ARNT2: variants seen among roughly 807,000 people sequenced by gnomAD.
The protein encoded by ARNT2 is ARNT protein 2.
A neutral mutation model predicts 91.7 loss-of-function variants in ARNT2; 36 were observed. The observed-to-expected ratio is 0.39, with a 90% CI of 0.30 to 0.52. ARNT2 has a LOEUF of 0.52. Among genes scored for constraint, ARNT2 ranks in the 20% least tolerant of loss-of-function variants. The pLI is 0.72. For synonymous variants in ARNT2, 365 were observed against 347.1 expected (o/e 1.05, Z -0.57); for missense variants, 775 against 939.3 (o/e 0.83, Z 2.29).
At chr15:80,580,890 C>T (rs1011901552) in intron 16 of ARNT2, among the ~76,000 whole-genome samples, 5 of 152,116 alleles carry the variant, frequency 3.3e-5, no homozygotes, top group Non-Finnish European at 7.4e-5. Context: ...ACCACCAACC[C>T]TTGTGACATC....
At chr15:80,420,617 A>G (rs1895848432) in intron 1 of ARNT2, among the ~76,000 whole-genome samples, 1 of 151,810 alleles carries the variant, frequency 6.6e-6, no homozygotes, top group Non-Finnish European at 1.5e-5. Flanking sequence ...TATTATGAAC[A>G]TATGAATATA....
At chr15:80,492,503 G>A (rs1423179714) in intron 5 of ARNT2, among the ~76,000 whole-genome samples, 1 of 152,168 alleles carries the variant, frequency 6.6e-6, no homozygotes, top group East Asian at 1.9e-4. Context: ...AGAAGGGAAG[G>A]TCAGTCTGGC....
chr15:80,526,165 T>C (rs74027823), intron 8 of ARNT2, among the ~76,000 whole-genome samples: 2,652 of 152,320 alleles, frequency 0.017, 79 homozygotes, highest in African/African-American at 0.061. Context: ...GTGGCCTTCT[T>C]AATTAGCCTC....
chr15:80,530,021 T>A (rs1330954437), intron 8 of ARNT2, among the ~76,000 whole-genome samples: 1 of 152,230 alleles, frequency 6.6e-6, no homozygotes, highest in Non-Finnish European at 1.5e-5. Flanking sequence ...TAAGAAAGTC[T>A]CCTTTTCTAG....
At chr15:80,572,560 G>C (rs1262395865) in intron 12 of ARNT2, among the ~76,000 whole-genome samples, 1 of 151,878 alleles carries the variant, frequency 6.6e-6, no homozygotes, top group Non-Finnish European at 1.5e-5. Context: ...CAGATGAGGG[G>C]AGGTGGCCTG....
chr15:80,571,483 C>T (rs1481725718), intron 12 of ARNT2, among the ~76,000 whole-genome samples: 1 of 152,220 alleles, frequency 6.6e-6, no homozygotes, highest in Non-Finnish European at 1.5e-5. Flanking sequence ...TTGGTGCACC[C>T]TCTGCCTTGC....
chr15:80,565,017 A>G (rs1355244895), intron 12 of ARNT2, among the ~76,000 whole-genome samples: 1 of 150,878 alleles, frequency 6.6e-6, no homozygotes, highest in Non-Finnish European at 1.5e-5. Flanking sequence ...CGACTTCCTG[A>G]GCTCAGGTGA....
At chr15:80,443,867 G>A (rs1896235591) in intron 1 of ARNT2, among the ~76,000 whole-genome samples, 1 of 152,230 alleles carries the variant, frequency 6.6e-6, no homozygotes, top group African/African-American at 2.4e-5. Flanking sequence ...AAGGAAGCAT[G>A]GGAGGCGAGG....
In ARNT2 at chr15:80,476,886, G is replaced by A. The variant is rs191773250; in HGVS notation, c.622+1663G>A. Among the ~76,000 whole-genome samples the A allele has an allele frequency of 6.8e-4, 104 of 152,246 alleles. No homozygotes were observed. In the South Asian group the frequency reaches 0.011, roughly 15 times the overall value. Reference sequence around the variant, plus strand: ...CCTCACCCAAATGTCATGTTCAATTGTAATTCCCAATGTTGGGGGCAGGCC... The same window carrying A: ...CCTCACCCAAATGTCATGTTCAATTATAATTCCCAATGTTGGGGGCAGGCC... On this transcript the variant is annotated intron_variant, in intron 5 of 18. Transcript: ENST00000303329.
At chr15:80,549,544 A>G (rs1898047098) in intron 8 of ARNT2, among the ~76,000 whole-genome samples, 1 of 152,224 alleles carries the variant, frequency 6.6e-6, no homozygotes, top group African/African-American at 2.4e-5. Context: ...AAGAGACAGA[A>G]GCAGACAATT....
At chr15:80,451,312 C>T (rs1256448666) in intron 2 of ARNT2, among the ~76,000 whole-genome samples, 1 of 152,250 alleles carries the variant, frequency 6.6e-6, no homozygotes, top group Non-Finnish European at 1.5e-5. Context: ...CCAGATTTGG[C>T]AGCACTGCTG....
At chr15:80,576,225 TAC>T (rs2141477428) in intron 14 of ARNT2, among the ~76,000 whole-genome samples, 1 of 152,248 alleles carries the variant, frequency 6.6e-6, no homozygotes, top group South Asian at 2.1e-4. Flanking sequence ...TTGGAATCCC[TAC>T]ACCGCAGGGT....
intron 1 of ARNT2, among the ~76,000 whole-genome samples, chr15:80,445,892 C>T (rs11631556): frequency 6.6e-6 from 1 of 152,002 alleles, no homozygotes; most frequent in African/African-American, 2.4e-5. Context: ...TCTGCCCCCT[C>T]TGCCCCTCTG....
chr15:80,559,343 A>AGCCCCG (rs1898275786), intron 11 of ARNT2, among the ~76,000 whole-genome samples: 1 of 150,358 alleles, frequency 6.7e-6, no homozygotes. Context: ...CCCCAGCCCC[A>AGCCCCG]GCCCCGGCCA....
Position 80,580,490 on chromosome 15 carries a change from C to G in ARNT2, c.1693C>G (p.Arg565Gly). The G allele has an allele frequency of 1.2e-6, 2 of 1,614,176 alleles. No homozygotes were observed. Among genetic ancestry groups the G allele is most frequent in the Non-Finnish European group, 8.5e-7 (1 of 1,180,040 alleles). The change falls in exon 16 of 19, where the codon CGG becomes GGG. Residue 565 changes from arginine (R) to glycine (G), a missense_variant. By Grantham distance (125) the Arg-to-Gly change is moderately radical (BLOSUM62 -2). This residue lies in a region of ARNT2 where 325 missense variants were observed against 359.9 expected (regional missense o/e 0.90). Coordinates refer to ENST00000303329, the MANE Select transcript of ARNT2 (RefSeq NM_014862.4). ...STGQNMSQIS[R>G]QLNQSQVAWT... ...GGGCCAGAACATGTCCCAAATCTCCCGGCAGCTAAACCAGAGTCAGGTGGC... is the reference window on the plus strand; with the variant it reads ...GGGCCAGAACATGTCCCAAATCTCCGGGCAGCTAAACCAGAGTCAGGTGGC...
At chr15:80,562,953 T>A (rs1335281366) in intron 11 of ARNT2, 135 bp from the exon 12 acceptor site, 1 of 945,060 alleles carries the variant, frequency 1.1e-6, no homozygotes, top group Non-Finnish European at 1.7e-6. Flanking sequence ...CCTCTCTTAC[T>A]GTCTTTTAGC....
chr15:80,538,435 A>C lies in ARNT2; in HGVS notation c.878-12764A>C, dbSNP rs1897856521. ...CCCAGTGCAATAAATCTAAAAATTCATAACAAAAAGTTACATTTTTAAAAA... is the reference window on the plus strand; with the variant it reads ...CCCAGTGCAATAAATCTAAAAATTCCTAACAAAAAGTTACATTTTTAAAAA... On this transcript the variant is annotated intron_variant, in intron 8 of 18. Transcript: ENST00000303329. Among the ~76,000 whole-genome samples, 3 of 152,186 alleles carry C rather than the reference A, an allele frequency of 2.0e-5. No homozygotes were observed. The South Asian group carries it at 6.2e-4, about 31-fold the overall frequency.
intron 17 of ARNT2, among the ~76,000 whole-genome samples, chr15:80,589,581 C>A (rs1404375482): frequency 2.6e-5 from 4 of 152,228 alleles, no homozygotes; most frequent in Non-Finnish European, 4.4e-5. Context: ...CTCCACCCTT[C>A]TGCCAAGCAA....
chr15:80,590,443 G>A (rs1377860458), intron 17 of ARNT2, among the ~76,000 whole-genome samples: 4 of 152,016 alleles, frequency 2.6e-5, no homozygotes, highest in Admixed American at 1.3e-4. Flanking sequence ...AATGTTTTTC[G>A]ACAAAAAACC....
Sources: gnomAD v4.1 joint callset for allele counts (sites outside exome capture counted in the v4.1 genomes callset) on GRCh38, gnomAD v4.1.1 for gene constraint, gnomAD v4.1.1 regional missense constraint, MANE v1.5 for transcripts, NCBI Gene and HGNC (gene_info 2026-07-23, HGNC 2026-07-21) for gene names.